The following FER1L6 variants were observed in gnomAD, a reference collection of about 807,000 sequenced individuals.
The protein encoded by FER1L6 is fer-1 like family member 6.
Under a neutral mutation model 219.2 loss-of-function variants are expected in FER1L6, and 177 were observed. The ratio of observed to expected loss-of-function variants is 0.81; its 90% confidence interval spans 0.71 to 0.91. FER1L6 has a LOEUF of 0.91. FER1L6 is among the 40% of genes least tolerant of loss of function. FER1L6 has a pLI of 0.00. For synonymous variants in FER1L6, 768 were observed against 824.3 expected, an observed-to-expected ratio of 0.93 and a Z score of 1.17; for missense variants, 2,153 against 2,259.9, an observed-to-expected ratio of 0.95 and a Z score of 0.96.
At chr8:123,891,179 A>C (rs1206418281) in intron 1 of FER1L6, among the ~76,000 whole-genome samples, 1 of 152,178 alleles carries the variant, frequency 6.6e-6, no homozygotes, top group African/African-American at 2.4e-5. Context: ...GTATCTGAAA[A>C]CAAAATAGGT....
In FER1L6 at chr8:123,993,903, T is replaced by A. The variant is rs7817824; in HGVS notation, c.1519+7727T>A. Reference sequence around the variant, plus strand: ...TGTAGACTCTGTGAGATTCTCTGATTATAAATAGCCTTAGTGTGTTGGCTT... The same window carrying A: ...TGTAGACTCTGTGAGATTCTCTGATAATAAATAGCCTTAGTGTGTTGGCTT... On this transcript the variant is annotated intron_variant, in intron 12 of 40. Transcript: ENST00000522917. Among the ~76,000 whole-genome samples, 274 of 152,312 alleles carry A rather than the reference T, an allele frequency of 1.8e-3. 2 individuals carry two copies. Among genetic ancestry groups the A allele is most frequent in the African/African-American group, 6.0e-3 (251 of 41,560 alleles).
chr8:123,977,740 T>C (rs529369417), intron 10 of FER1L6, 131 bp downstream of exon 10: 62 of 773,458 alleles, frequency 8.0e-5, no homozygotes, highest in Non-Finnish European at 1.2e-4. Flanking sequence ...TATGGAAGAC[T>C]ATTTTTCCAT....
intron 36 of FER1L6, 79 bp downstream of exon 36, chr8:124,097,438 C>A: frequency 9.4e-7 from 1 of 1,065,772 alleles, no homozygotes; most frequent in Non-Finnish European, 1.4e-6. Context: ...TATCTGGTGT[C>A]TGACAGGTTA....
intron 39 of FER1L6, among the ~76,000 whole-genome samples, chr8:124,116,311 A>C (rs1823241678): frequency 1.3e-5 from 2 of 151,936 alleles, no homozygotes; most frequent in Non-Finnish European, 2.9e-5. Flanking sequence ...AAGGGCATGC[A>C]TGAAACACCA....
chr8:124,097,191 T>C, intron 35 of FER1L6, 80 bp from the exon 36 acceptor site: 3 of 1,048,000 alleles, frequency 2.9e-6, no homozygotes, highest in South Asian at 2.8e-5. Flanking sequence ...AAAGGGATCT[T>C]ATAAAACCAT....
intron 1 of FER1L6, among the ~76,000 whole-genome samples, chr8:123,855,768 G>GTGTA (rs1816626309): frequency 2.9e-4 from 42 of 146,158 alleles, no homozygotes; most frequent in African/African-American, 9.4e-4. Context: ...ATATGTGTGT[G>GTGTA]TATATATATG....
intron 39 of FER1L6, among the ~76,000 whole-genome samples, chr8:124,107,795 T>C (rs1182839522): frequency 7.2e-5 from 11 of 152,184 alleles, no homozygotes; most frequent in Admixed American, 7.2e-4. Context: ...GATCCCTCTT[T>C]GTCTTTGGTC....
intron 1 of FER1L6, among the ~76,000 whole-genome samples, chr8:123,923,730 A>G (rs2129857619): frequency 6.6e-6 from 1 of 152,048 alleles, no homozygotes; most frequent in East Asian, 1.9e-4. Flanking sequence ...TTCTATTATC[A>G]CCTCATTTTT....
chr8:124,107,429 A>T (rs977685513), intron 39 of FER1L6, among the ~76,000 whole-genome samples: 1 of 152,186 alleles, frequency 6.6e-6, no homozygotes, highest in African/African-American at 2.4e-5. Context: ...TGGCAAGGGG[A>T]TCAAAAGATT....
At chr8:123,977,356 A>G (rs1816126840) in intron 9 of FER1L6, 61 bp from the exon 10 acceptor site, 4 of 1,500,302 alleles carry the variant, frequency 2.7e-6, no homozygotes, top group Non-Finnish European at 3.6e-6. Context: ...GCTGGCTTGA[A>G]GAGTTTTCTG....
chr8:124,002,997 T>C (rs1817485127), intron 12 of FER1L6, among the ~76,000 whole-genome samples, 170 bp from the exon 13 acceptor site: 1 of 152,160 alleles, frequency 6.6e-6, no homozygotes. Context: ...ATAGAGATGA[T>C]AGCTCATCAT....
At chr8:123,861,773 GCTCT>G (rs1429028078) in intron 1 of FER1L6, among the ~76,000 whole-genome samples, 1,639 of 142,056 alleles carry the variant, frequency 0.012, 36 homozygotes, top group African/African-American at 0.029. Context: ...TCATGATTTG[GCTCT>G]CTGTCTGTTG....
chr8:123,978,189 T>C (rs935139563), intron 10 of FER1L6, among the ~76,000 whole-genome samples: 2 of 152,190 alleles, frequency 1.3e-5, no homozygotes, highest in East Asian at 3.8e-4. Context: ...CTTCCCATAA[T>C]TGAAAAATGA....
At chr8:123,854,203 C>T (rs1047092329) in intron 1 of FER1L6, among the ~76,000 whole-genome samples, 4 of 152,092 alleles carry the variant, frequency 2.6e-5, no homozygotes, top group African/African-American at 9.7e-5. Context: ...TGAGCTGTTT[C>T]GAGGAAGTTA....
chr8:123,995,362 G>T (rs757599580), intron 12 of FER1L6, among the ~76,000 whole-genome samples: 4 of 152,064 alleles, frequency 2.6e-5, no homozygotes, highest in Admixed American at 2.6e-4. Context: ...CTTATTACTG[G>T]CCAGTTCAGG....
chr8:123,998,803 C>T (rs1817267129), intron 12 of FER1L6, among the ~76,000 whole-genome samples: 1 of 152,194 alleles, frequency 6.6e-6, no homozygotes, highest in African/African-American at 2.4e-5. Flanking sequence ...CTTCTCTCTC[C>T]TTTTCTCAAG....
chr8:123,945,414 A>G (rs1814443273), intron 1 of FER1L6, among the ~76,000 whole-genome samples: 1 of 152,228 alleles, frequency 6.6e-6, no homozygotes, highest in Non-Finnish European at 1.5e-5. Context: ...GGCCCTGTAA[A>G]TCCCACACAA....
At chr8:123,937,521 A>G (rs1222635560) in intron 1 of FER1L6, among the ~76,000 whole-genome samples, 2 of 152,162 alleles carry the variant, frequency 1.3e-5, no homozygotes, top group Non-Finnish European at 2.9e-5. Context: ...GAGACCACCT[A>G]ATACTCATAA....
rs766134234 is a variant in FER1L6 at position 124,060,645 on chromosome 8, C to G, written c.3083C>G (p.Ser1028Cys). ...LIECGGQGVK[S>C]CVIQSYKNNP... Reference sequence around the variant, plus strand: ...GAGTGCGGAGGACAAGGTGTGAAGTCCTGCGTGATCCAGAGCTACAAGAAC... The same window carrying G: ...GAGTGCGGAGGACAAGGTGTGAAGTGCTGCGTGATCCAGAGCTACAAGAAC... Residue 1028 changes from serine to cysteine, a missense_variant, in exon 24 of 41, where the codon TCC becomes TGC. Coordinates refer to ENST00000522917, the MANE Select transcript of FER1L6 (RefSeq NM_001039112.2). 3.7e-6 allele frequency: 6 copies of G among 1,614,052 alleles called. No individual in the cohort carries two copies. In the South Asian group the frequency reaches 6.6e-5, roughly 18 times the overall value.
Sources: gnomAD v4.1 joint callset for allele counts (sites outside exome capture counted in the v4.1 genomes callset) on GRCh38, gnomAD v4.1.1 for gene constraint, MANE v1.5 for transcripts, NCBI Gene and HGNC (gene_info 2026-07-23, HGNC 2026-07-21) for gene names.